The following FSD1L variants were observed in gnomAD, a reference collection of about 807,000 sequenced individuals.
The protein encoded by FSD1L is fibronectin type III and SPRY domain containing 1 like.
Under a neutral mutation model 71.6 loss-of-function variants are expected in FSD1L, and 45 were observed. That is an observed-to-expected ratio of 0.63 (90% CI 0.49 to 0.81). FSD1L has a LOEUF of 0.81. Among genes scored for constraint, FSD1L ranks in the 30% least tolerant of loss-of-function variants. The pLI is 0.00. For missense variants in FSD1L, 561 were observed against 618.1 expected, an observed-to-expected ratio of 0.91 and a Z score of 0.98; for synonymous variants, 197 against 207.2, an observed-to-expected ratio of 0.95 and a Z score of 0.42.
chr9:105,452,132 A>T (rs949072940), intron 1 of FSD1L, among the ~76,000 whole-genome samples: 10 of 120,780 alleles, frequency 8.3e-5, no homozygotes, highest in Admixed American at 5.6e-4. Flanking sequence ...TGCAACAAGT[A>T]GCAGATCTAC....
intron 1 of FSD1L, among the ~76,000 whole-genome samples, chr9:105,450,534 C>CTTTTTTTTTT (rs35115121): frequency 4.3e-5 from 6 of 137,946 alleles, no homozygotes; most frequent in African/African-American, 1.6e-4. Context: ...GGATTGTGTT[C>CTTTTTTTTTT]TTTTTTTTTT....
chr9:105,519,996 C>G lies in FSD1L; in HGVS notation c.1025+7060C>G, dbSNP rs921962862. ...GGCCTGGATCGGGGAGGAGTCGGCTCTGCCCTGGCCCGCAAGGCTGGGGAG... is the reference window on the plus strand; with the variant it reads ...GGCCTGGATCGGGGAGGAGTCGGCTGTGCCCTGGCCCGCAAGGCTGGGGAG... On this transcript the variant is annotated intron_variant, in intron 10 of 13. Coordinates refer to ENST00000481272, the MANE Select transcript of FSD1L (RefSeq NM_001145313.3). The G allele has an allele frequency of 3.6e-6, 5 of 1,402,660 alleles. No individual in the cohort carries two copies. The East Asian group carries it at 1.0e-4, about 28-fold the overall frequency. 86.9% of individuals were successfully genotyped at this position (1,402,660 alleles called of 1,614,324 possible).
chr9:105,535,240 G>A lies in FSD1L; in HGVS notation c.1300G>A (p.Ala434Thr). The A allele has an allele frequency of 6.4e-7, 1 of 1,551,766 alleles. No individual in the cohort carries two copies. Among genetic ancestry groups the A allele is most frequent in the Non-Finnish European group, 8.7e-7 (1 of 1,146,934 alleles). ...CAACTGGCTACAAAACACATTTGCA[G>A]CAAAGCATAATAATAAAGTCAAAGC... The part of the protein sequence containing the change: ...VNNWLQNTFA[A>T]KHNNKVKALD... The change falls in exon 12 of 14, where the codon GCA becomes ACA. Residue 434 changes from alanine (A) to threonine (T), a missense_variant. Ala to Thr is a moderately conservative substitution (Grantham distance 58). Around this residue, in one of 3 missense-constraint regions of FSD1L, gnomAD observed 53 missense variants for 102.2 expected, o/e 0.52. Transcript: ENST00000481272.
At chr9:105,492,292 G>A (rs1833001776) in intron 7 of FSD1L, among the ~76,000 whole-genome samples, 1 of 152,164 alleles carries the variant, frequency 6.6e-6, no homozygotes, top group African/African-American at 2.4e-5. Context: ...GCGTAGAGGT[G>A]TTTGTAGTAT....
At chr9:105,533,943 G>A (rs1394408930) in intron 10 of FSD1L, among the ~76,000 whole-genome samples, 2 of 151,910 alleles carry the variant, frequency 1.3e-5, no homozygotes, top group Non-Finnish European at 2.9e-5. Flanking sequence ...GGCTCGTCTC[G>A]AACTCCCGAC....
intron 7 of FSD1L, among the ~76,000 whole-genome samples, chr9:105,487,334 TTTAAG>T (rs1398656214): frequency 6.6e-6 from 1 of 152,060 alleles, no homozygotes; most frequent in Non-Finnish European, 1.5e-5. Context: ...TTGGGTAGAT[TTTAAG>T]TTGTCAAAGA....
chr9:105,509,004 G>T (rs1313409820), intron 9 of FSD1L, among the ~76,000 whole-genome samples: 2 of 152,170 alleles, frequency 1.3e-5, no homozygotes, highest in African/African-American at 2.4e-5. Flanking sequence ...AAATAGGTAA[G>T]TATCACTGAG....
intron 5 of FSD1L, among the ~76,000 whole-genome samples, 178 bp from the exon 6 acceptor site, chr9:105,479,176 A>G (rs1370943176): frequency 1.3e-5 from 2 of 152,246 alleles, no homozygotes; most frequent in African/African-American, 4.8e-5. Flanking sequence ...TAATTCTAAC[A>G]TCACATGAAA....
intron 7 of FSD1L, among the ~76,000 whole-genome samples, chr9:105,498,327 T>A (rs1390385969): frequency 6.6e-6 from 1 of 152,006 alleles, no homozygotes; most frequent in Non-Finnish European, 1.5e-5. Context: ...AGAAATGTGA[T>A]GTTTGGCAAT....
chr9:105,527,797 C>G (rs929304364), intron 10 of FSD1L, among the ~76,000 whole-genome samples: 4 of 151,790 alleles, frequency 2.6e-5, no homozygotes, highest in African/African-American at 9.7e-5. Context: ...CTGACCAGGG[C>G]AATCAGGCAA....
chr9:105,524,840 A>G, intron 10 of FSD1L: 2 of 1,593,212 alleles, frequency 1.3e-6, no homozygotes, highest in Non-Finnish European at 1.7e-6. Flanking sequence ...CTGCTATGCT[A>G]ACAAGTCAGG....
chr9:105,448,264 CCGAGACAAGCCGGG>C lies in FSD1L; in HGVS notation c.15+31_15+44del, dbSNP rs778605565. 26 of 1,524,860 alleles carry C rather than the reference CCGAGACAAGCCGGG, an allele frequency of 1.7e-5. No individual in the cohort carries two copies. In the South Asian group the frequency reaches 2.9e-4, roughly 17 times the overall value. The allele number at this position is 1,524,860 out of a possible 1,614,324, so 94.5% of individuals were successfully genotyped here. A position where few individuals can be genotyped will look rare whatever the true frequency, so the allele number is the denominator to read the frequency against. On this transcript the variant is annotated intron_variant, in intron 1 of 13. Transcript: ENST00000481272. The stretch of plus-strand genomic sequence containing the variant: ...AGCGGGGGAGGGGAGCCCGGGGCTA[CCGAGACAAGCCGGG>C]CCGGCACAGGGTGGGCGGGGCGCCT...
intron 7 of FSD1L, among the ~76,000 whole-genome samples, chr9:105,489,007 T>C (rs915100364): frequency 6.6e-6 from 1 of 152,132 alleles, no homozygotes; most frequent in Non-Finnish European, 1.5e-5. Context: ...ATTCCACATG[T>C]ACAATTTTTT....
Position 105,522,080 on chromosome 9 carries a change from T to A in FSD1L, c.1025+9144T>A, listed in dbSNP as rs548749040. On this transcript the variant is annotated intron_variant, in intron 10 of 13. Transcript: ENST00000481272. ...TTCTACAGTTCCAAGGGAAAAAAAA[T>A]ATGACCTTGGCAGGTCGACTTGCAG... The A allele has an allele frequency of 2.5e-5, 41 of 1,613,160 alleles. No individual in the cohort carries two copies. In the African/African-American group the frequency reaches 4.3e-4, roughly 17 times the overall value.
At chr9:105,504,695 A>G (rs1444325680) in intron 7 of FSD1L, among the ~76,000 whole-genome samples, 1 of 152,140 alleles carries the variant, frequency 6.6e-6, no homozygotes, top group Non-Finnish European at 1.5e-5. Flanking sequence ...ATCCTCCCAT[A>G]TACTTTAAGT....
At chr9:105,533,493 G>A (rs929591109) in intron 10 of FSD1L, among the ~76,000 whole-genome samples, 1 of 137,258 alleles carries the variant, frequency 7.3e-6, no homozygotes, top group African/African-American at 2.8e-5. Flanking sequence ...CGCCATCTCG[G>A]CTCACTACAA....
chr9:105,448,376 G>T, intron 1 of FSD1L, 141 bp downstream of exon 1: 1 of 743,100 alleles, frequency 1.3e-6, no homozygotes, highest in South Asian at 2.8e-5. Flanking sequence ...GGGCAAGGCC[G>T]CCCGGCCGCT....
intron 10 of FSD1L, among the ~76,000 whole-genome samples, chr9:105,527,872 A>G (rs1835622931): frequency 6.6e-6 from 1 of 152,196 alleles, no homozygotes; most frequent in African/African-American, 2.4e-5. Flanking sequence ...TTTGCAGATG[A>G]CATGATTGTA....
intron 1 of FSD1L, among the ~76,000 whole-genome samples, chr9:105,453,548 C>T (rs938239757): frequency 1.3e-5 from 2 of 151,822 alleles, no homozygotes; most frequent in African/African-American, 4.8e-5. Flanking sequence ...TATCTTTCCC[C>T]TTTTTTCAAC....
Sources: allele counts gnomAD v4.1 joint callset (sites outside exome capture counted in the v4.1 genomes callset), GRCh38; gene constraint gnomAD v4.1.1; regional missense constraint gnomAD v4.1.1; transcripts MANE v1.5; gene names NCBI Gene and HGNC (gene_info 2026-07-23, HGNC 2026-07-21).